CIP2A: variants seen among roughly 807,000 people sequenced by gnomAD.
CIP2A encodes the protein protein CIP2A.
A neutral mutation model predicts 110.9 loss-of-function variants in CIP2A; 103 were observed. That is an observed-to-expected ratio of 0.93 (90% confidence interval 0.79 to 1.09). CIP2A has a LOEUF of 1.09. CIP2A is among the 50% of genes least tolerant of loss of function. CIP2A has a pLI of 0.00. For synonymous variants in CIP2A, 381 were observed against 361.6 expected (o/e 1.05, Z -0.61); for missense variants, 1,088 against 1,038.4 (o/e 1.05, Z -0.66).
At chr3:108,578,225 G>A (rs894321344) in intron 7 of CIP2A, among the ~76,000 whole-genome samples, 7 of 152,168 alleles carry the variant, frequency 4.6e-5, no homozygotes, top group African/African-American at 9.6e-5. Flanking sequence ...TCTTCCAGAC[G>A]AGGTTTATTC....
intron 7 of CIP2A, among the ~76,000 whole-genome samples, chr3:108,578,586 G>A (rs986581915): frequency 6.6e-6 from 1 of 152,134 alleles, no homozygotes; most frequent in Admixed American, 6.5e-5. Flanking sequence ...CTGATCATAG[G>A]TGGGGTTCAG....
intron 7 of CIP2A, among the ~76,000 whole-genome samples, chr3:108,578,120 T>A (rs1319863370): frequency 6.6e-6 from 1 of 152,214 alleles, no homozygotes; most frequent in African/African-American, 2.4e-5. Context: ...TCTGGGATTC[T>A]ACGATAGAGT....
intron 16 of CIP2A, among the ~76,000 whole-genome samples, chr3:108,557,895 T>C (rs1937863504): frequency 6.6e-6 from 1 of 152,132 alleles, no homozygotes; most frequent in Non-Finnish European, 1.5e-5. Context: ...ATTTATTATG[T>C]GATATGAAAC....
intron 2 of CIP2A, among the ~76,000 whole-genome samples, chr3:108,583,732 C>T (rs75950235): frequency 6.6e-6 from 1 of 152,094 alleles, no homozygotes; most frequent in East Asian, 1.9e-4. Context: ...CTATAGTTAA[C>T]AATGTATTGT....
chr3:108,581,557 GA>G (rs772054626), intron 4 of CIP2A, 46 bp from the exon 5 acceptor site: 14 of 1,138,086 alleles, frequency 1.2e-5, no homozygotes, highest in Admixed American at 1.2e-4. Context: ...AATAGTAAAA[GA>G]AAAAAAGCAT....
intron 8 of CIP2A, among the ~76,000 whole-genome samples, chr3:108,570,985 CTTTTTA>C (rs1938385286): frequency 6.6e-6 from 1 of 151,932 alleles, no homozygotes; most frequent in African/African-American, 2.4e-5. Context: ...TAGGCTTTTT[CTTTTTA>C]AACTTTTTTT....
chr3:108,580,549 G>A (rs759374697), intron 5 of CIP2A, among the ~76,000 whole-genome samples: 2 of 150,832 alleles, frequency 1.3e-5, no homozygotes, highest in Admixed American at 6.6e-5. Context: ...ATTTAAAATC[G>A]AACGGGTAAT....
chr3:108,554,953 C>G (rs1937735466), intron 17 of CIP2A, among the ~76,000 whole-genome samples: 1 of 152,002 alleles, frequency 6.6e-6, no homozygotes, highest in South Asian at 2.1e-4. Flanking sequence ...TCACTAAGCA[C>G]AAAGATTTTT....
intron 13 of CIP2A, among the ~76,000 whole-genome samples, chr3:108,562,459 T>G (rs768622718): frequency 6.6e-6 from 1 of 152,110 alleles, no homozygotes; most frequent in Non-Finnish European, 1.5e-5. Context: ...TATCAACTAC[T>G]TCAAATTATT....
At position 108,576,260 on chromosome 3, in the gene CIP2A, T is replaced by C; in HGVS notation, c.894+11A>G. 2 of 1,503,416 alleles carry C rather than the reference T, an allele frequency of 1.3e-6. No homozygotes were observed. The highest frequency in any genetic ancestry group is 1.8e-6 in the Non-Finnish European group (2 of 1,118,506). The allele number at this position is 1,503,416 out of a possible 1,614,324, so 93.1% of individuals were successfully genotyped here. A position where few individuals can be genotyped will look rare whatever the true frequency, so the allele number is the denominator to read the frequency against. On this transcript the variant is annotated intron_variant, in intron 8 of 20. Transcript: ENST00000295746. Reference sequence around the variant, plus strand: ...TTAAAAGTTTAAATGAAAAGTCATGTTTTTACATACCTTTGAAGAGGAATC... The same window carrying C: ...TTAAAAGTTTAAATGAAAAGTCATGCTTTTACATACCTTTGAAGAGGAATC...
intron 4 of CIP2A, among the ~76,000 whole-genome samples, 194 bp from the exon 5 acceptor site, chr3:108,581,705 C>T (rs1938887081): frequency 6.6e-6 from 1 of 151,766 alleles, no homozygotes; most frequent in South Asian, 2.1e-4. Context: ...CATTTTAAAA[C>T]CAAATTACCC....
At chr3:108,580,957 A>C (rs146351370) in intron 5 of CIP2A, among the ~76,000 whole-genome samples, 12 of 152,256 alleles carry the variant, frequency 7.9e-5, no homozygotes, top group Non-Finnish European at 1.3e-4. Flanking sequence ...GATTCAGTTA[A>C]ATTCATTTGT....
At chr3:108,584,109 AAC>A (rs1031651135) in intron 2 of CIP2A, among the ~76,000 whole-genome samples, 2 of 152,174 alleles carry the variant, frequency 1.3e-5, no homozygotes, top group African/African-American at 4.8e-5. Context: ...ATCTAATAGA[AAC>A]ACACTAATAT....
chr3:108,583,150 G>T (rs1938936959), intron 2 of CIP2A, 67 bp from the exon 3 acceptor site: 1 of 778,128 alleles, frequency 1.3e-6, no homozygotes, highest in East Asian at 3.2e-5. Flanking sequence ...AATTCATACA[G>T]AATTTATTTC....
At chr3:108,554,724 G>A (rs909616878) in intron 17 of CIP2A, among the ~76,000 whole-genome samples, 4 of 152,132 alleles carry the variant, frequency 2.6e-5, no homozygotes, top group African/African-American at 9.7e-5. Flanking sequence ...AATGTGTGGG[G>A]CATTAATCTC....
At chr3:108,561,200 TCTCA>T (rs1937995686) in intron 13 of CIP2A, among the ~76,000 whole-genome samples, 1 of 152,134 alleles carries the variant, frequency 6.6e-6, no homozygotes, top group Admixed American at 6.5e-5. Flanking sequence ...CCTTTTCCTT[TCTCA>T]CTCAGTACAT....
chr3:108,550,782 T>C lies in CIP2A; in HGVS notation c.*367A>G, dbSNP rs2083886807. On this transcript the variant is annotated 3_prime_UTR_variant, in exon 21 of 21. Transcript: ENST00000295746. ...TTTAGGACTGTTATACCAAGAAAGT[T>C]TGGTCTTAAGATCTAAATAATCACA... The C allele has an allele frequency of 6.5e-6, 1 of 152,906 alleles. No individual in the cohort carries two copies. The highest frequency in any genetic ancestry group is 6.5e-5 in the Admixed American group (1 of 15,268). 9.5% of individuals were successfully genotyped at this position (152,906 alleles called of 1,614,324 possible).
intron 16 of CIP2A, among the ~76,000 whole-genome samples, chr3:108,559,297 A>T (rs1937917643): frequency 6.6e-6 from 1 of 152,188 alleles, no homozygotes. Context: ...GAGGGAATAC[A>T]TAAGAATAAT....
At chr3:108,575,530 G>GTA (rs1225058903) in intron 8 of CIP2A, among the ~76,000 whole-genome samples, 3 of 146,552 alleles carry the variant, frequency 2.0e-5, no homozygotes, top group Admixed American at 2.0e-4. Context: ...ATATATACAC[G>GTA]TATATATACT....
Sources: allele counts gnomAD v4.1 joint callset (sites outside exome capture counted in the v4.1 genomes callset), GRCh38; gene constraint gnomAD v4.1.1; transcripts MANE v1.5; gene names NCBI Gene and HGNC (gene_info 2026-07-23, HGNC 2026-07-21).